The following TET1 variants were observed in gnomAD, a reference collection of about 807,000 sequenced individuals.
The protein encoded by TET1 is tet methylcytosine dioxygenase 1.
Under a neutral mutation model 148.7 loss-of-function variants are expected in TET1, and 13 were observed. The observed-to-expected ratio is 0.09, with a 90% CI of 0.06 to 0.14. The LOEUF (loss-of-function observed/expected upper bound fraction) is 0.14, where lower values mean the gene tolerates loss of function less well. Among genes scored for constraint, TET1 ranks in the 10% least tolerant of loss-of-function variants. The probability of loss-of-function intolerance (pLI) is 1.00; values close to 1 mark genes in which losing one functional copy is unlikely to be tolerated. For synonymous variants in TET1, 907 were observed against 937.2 expected, an observed-to-expected ratio of 0.97 and a Z score of 0.59; for missense variants, 2,182 against 2,553.8, an observed-to-expected ratio of 0.85 and a Z score of 3.14.
chr10:68,689,974 G>C (rs12778835), intron 11 of TET1, among the ~76,000 whole-genome samples: 16,175 of 152,120 alleles, frequency 0.11, 1,008 homozygotes, highest in South Asian at 0.17. Flanking sequence ...TTATATTCAA[G>C]TACAATATTT....
intron 3 of TET1, among the ~76,000 whole-genome samples, chr10:68,616,929 A>C (rs2054299017): frequency 6.9e-6 from 1 of 144,898 alleles, no homozygotes; most frequent in South Asian, 2.2e-4. Context: ...GGATGGTCTC[A>C]ATCTCCTGAC....
intron 3 of TET1, among the ~76,000 whole-genome samples, chr10:68,630,898 A>G (rs1235044021): frequency 6.6e-6 from 1 of 152,208 alleles, no homozygotes; most frequent in African/African-American, 2.4e-5. Context: ...TATTCTAGTC[A>G]GGTGCGGGGG....
chr10:68,646,012 C>T lies in TET1; in HGVS notation c.3283C>T (p.Pro1095Ser), dbSNP rs1386363151. 5.0e-6 allele frequency: 8 copies of T among 1,613,932 alleles called. No homozygotes were observed. In the East Asian group the frequency reaches 1.3e-4, roughly 27 times the overall value. The change falls in exon 4 of 12, where the codon CCA becomes TCA. Residue 1095 changes from proline to serine, a missense_variant. Coordinates refer to ENST00000373644, the MANE Select transcript of TET1 (RefSeq NM_030625.3). The stretch of plus-strand genomic sequence containing the variant: ...GATAATTAAGATCAATTATATAAAA[C>T]CAGAGGACAAAAAAGTTGAAAGTAC... ...ASIIKINYIKPEDKKVESTPT... is the reference protein window; with the variant it reads ...ASIIKINYIKSEDKKVESTPT...
At chr10:68,656,314 G>C (rs766537961) in intron 6 of TET1, among the ~76,000 whole-genome samples, 1 of 152,196 alleles carries the variant, frequency 6.6e-6, no homozygotes, top group Non-Finnish European at 1.5e-5. Flanking sequence ...CCAGGCTGGA[G>C]TGCAGTGGCT....
intron 2 of TET1, among the ~76,000 whole-genome samples, chr10:68,580,086 G>A (rs1354965402): frequency 1.3e-5 from 2 of 151,450 alleles, no homozygotes; most frequent in Admixed American, 6.6e-5. Flanking sequence ...ACACCACCAC[G>A]CCCAGCTAAT....
intron 3 of TET1, among the ~76,000 whole-genome samples, chr10:68,625,797 T>C (rs571295579): frequency 6.6e-6 from 1 of 152,158 alleles, no homozygotes; most frequent in South Asian, 2.1e-4. Flanking sequence ...TAGGAAATAC[T>C]TAGAGTGAGC....
At chr10:68,681,901 G>C (rs1174097402) in intron 9 of TET1, among the ~76,000 whole-genome samples, 1 of 149,802 alleles carries the variant, frequency 6.7e-6, no homozygotes, top group Non-Finnish European at 1.5e-5. Context: ...CCAGGAGGTG[G>C]AGGTTGCATT....
At chr10:68,677,351 A>G (rs1029721064) in intron 8 of TET1, among the ~76,000 whole-genome samples, 1 of 152,206 alleles carries the variant, frequency 6.6e-6, no homozygotes, top group Non-Finnish European at 1.5e-5. Flanking sequence ...TAATCTTAAA[A>G]AAATCCGTAA....
intron 10 of TET1, among the ~76,000 whole-genome samples, chr10:68,683,486 G>T (rs561838439): frequency 2.0e-5 from 3 of 152,110 alleles, no homozygotes; most frequent in Admixed American, 2.0e-4. Flanking sequence ...CACTGTGTTA[G>T]CCAGGATGGT....
intron 1 of TET1, among the ~76,000 whole-genome samples, chr10:68,564,025 A>AT (rs1363190199): frequency 1.3e-5 from 2 of 152,164 alleles, no homozygotes; most frequent in African/African-American, 2.4e-5. Flanking sequence ...CCAGCTTTTC[A>AT]TTCTCTAAGC....
In TET1 at chr10:68,572,417, C is replaced by T. The variant is rs576263825; in HGVS notation, c.79C>T (p.Leu27=). ...AAACAAAAAAAAGAAAAACAGCCAACTACGAAAGACAACCAAGGGAGCCAA... is the reference window on the plus strand; with the variant it reads ...AAACAAAAAAAAGAAAAACAGCCAATTACGAAAGACAACCAAGGGAGCCAA... ...DVNKKKKNSQ[L]RKTTKGANKN... Residue 27 remains leucine (L), a synonymous_variant, in exon 2 of 12, where the codon CTA becomes TTA. Transcript: ENST00000373644. 1.1e-5 allele frequency: 17 copies of T among 1,613,530 alleles called. No homozygotes were observed. In the East Asian group the frequency reaches 3.3e-4, roughly 32 times the overall value.
chr10:68,593,762 G>A (rs2053946376), intron 2 of TET1, among the ~76,000 whole-genome samples: 1 of 151,730 alleles, frequency 6.6e-6, no homozygotes. Context: ...ACAGGCACCC[G>A]CCACCACGCC....
chr10:68,590,349 C>T (rs1465062758), intron 2 of TET1, among the ~76,000 whole-genome samples: 1 of 151,228 alleles, frequency 6.6e-6, no homozygotes, highest in African/African-American at 2.4e-5. Flanking sequence ...CCAGGCTGGT[C>T]TCAAACTCCT....
chr10:68,673,001 C>T lies in TET1; in HGVS notation c.4780C>T (p.Pro1594Ser), dbSNP rs1398487509. 93 of 1,611,706 alleles carry T rather than the reference C, an allele frequency of 5.8e-5. No individual in the cohort carries two copies. Among genetic ancestry groups the T allele is most frequent in the Non-Finnish European group, 7.3e-5 (86 of 1,178,522 alleles). Reference protein sequence around the residue: ...YFNGCKFGRSPSPRRFRIDPS... With the variant: ...YFNGCKFGRSSSPRRFRIDPS... ...TAATGGCTGTAAGTTTGGTAGAAGC[C>T]CAAGCCCCAGAAGATTTAGAATTGA... The change falls in exon 8 of 12, where the codon CCA (proline) becomes TCA (serine). Residue 1594 changes from proline to serine, a missense_variant. By Grantham distance (74) the Pro-to-Ser change is moderately conservative. Around this residue, in one of 11 missense-constraint regions of TET1, gnomAD observed 55 missense variants for 149.8 expected, o/e 0.37. Coordinates refer to ENST00000373644, the MANE Select transcript of TET1 (RefSeq NM_030625.3).
chr10:68,584,771 A>ACG (rs1564954044), intron 2 of TET1, among the ~76,000 whole-genome samples: 21 of 152,088 alleles, frequency 1.4e-4, no homozygotes, highest in African/African-American at 5.1e-4. Flanking sequence ...TATGCAGTAT[A>ACG]CTATAGCAGC....
At chr10:68,648,736 C>T (rs572827006) in intron 4 of TET1, among the ~76,000 whole-genome samples, 13 of 152,230 alleles carry the variant, frequency 8.5e-5, no homozygotes, top group African/African-American at 2.9e-4. Flanking sequence ...AAATAATATC[C>T]TTCCATTTCT....
intron 2 of TET1, among the ~76,000 whole-genome samples, chr10:68,583,536 T>C (rs1373968397): frequency 6.6e-6 from 1 of 152,190 alleles, no homozygotes; most frequent in Non-Finnish European, 1.5e-5. Context: ...TTTTGCTTTT[T>C]ACTGATTTAA....
Position 68,692,105 on chromosome 10 carries a change from T to A in TET1, c.*291T>A. On this transcript the variant is annotated 3_prime_UTR_variant, in exon 12 of 12. Transcript: ENST00000373644. ...GATAGAATCACTCAGTTTGGTGCTT[T>A]AAATTAAGTCTGTTTACTATGAAAC... The A allele has an allele frequency of 2.7e-6, 1 of 366,676 alleles. No individual in the cohort carries two copies. Among genetic ancestry groups the A allele is most frequent in the Middle Eastern group, 7.6e-4 (1 of 1,322 alleles). 22.7% of individuals were successfully genotyped at this position (366,676 alleles called of 1,614,324 possible).
intron 2 of TET1, among the ~76,000 whole-genome samples, chr10:68,600,495 A>G (rs1458614331): frequency 1.3e-5 from 2 of 152,218 alleles, no homozygotes; most frequent in African/African-American, 4.8e-5. Flanking sequence ...AGGAAGGGCT[A>G]GGCTGAGAAG....
Sources: gnomAD v4.1 joint callset for allele counts (sites outside exome capture counted in the v4.1 genomes callset) on GRCh38, gnomAD v4.1.1 for gene constraint, gnomAD v4.1.1 regional missense constraint, MANE v1.5 for transcripts, NCBI Gene and HGNC (gene_info 2026-07-23, HGNC 2026-07-21) for gene names.